Variants in BORCS5 observed in about 807,000 individuals in gnomAD.
BORCS5 encodes BLOC-1-related complex subunit 5.
A neutral mutation model predicts 22.1 loss-of-function variants in BORCS5; 17 were observed. The ratio of observed to expected loss-of-function variants is 0.77; its 90% confidence interval spans 0.53 to 1.15. The LOEUF is 1.15. Ranked by LOEUF, BORCS5 falls within the 50% of genes most tolerant of loss-of-function variation. BORCS5 has a pLI of 0.00. For synonymous variants in BORCS5, 117 were observed against 99.8 expected (o/e 1.17, Z -1.03); for missense variants, 247 against 253.2 (o/e 0.98, Z 0.17).
rs1013197572 is a variant in BORCS5, at chr12:12,468,524, G to GT, written c.*2749dup. On this transcript the variant is annotated 3_prime_UTR_variant, in exon 4 of 4. Transcript: ENST00000314565. Reference sequence around the variant, plus strand: ...CTTCCTACAGCGTGAGCAGGTCTGGGTGGGCTCTCAAGCCCCTTTCAGCTC... The same window carrying GT: ...CTTCCTACAGCGTGAGCAGGTCTGGGTTGGGCTCTCAAGCCCCTTTCAGCTC... 8.5e-5 allele frequency: 13 copies of GT among 152,354 alleles called. No homozygotes were observed. Among genetic ancestry groups the GT allele is most frequent in the African/African-American group, 3.1e-4 (13 of 41,562 alleles). 9.4% of individuals were successfully genotyped at this position (152,354 alleles called of 1,614,324 possible).
At position 12,357,305 on chromosome 12, in the gene BORCS5, C is replaced by A; in HGVS notation, c.-147C>A. ...CGCCCAGGCCCCTGCGTGGGCTGGACGCGTCAGCCCCACACATTAGCCTCG... is the reference window on the plus strand; with the variant it reads ...CGCCCAGGCCCCTGCGTGGGCTGGAAGCGTCAGCCCCACACATTAGCCTCG... On this transcript the variant is annotated 5_prime_UTR_variant, in exon 1 of 4. Transcript: ENST00000314565. 5 of 1,456,680 alleles carry A rather than the reference C, an allele frequency of 3.4e-6. No homozygotes were observed. The highest frequency in any genetic ancestry group is 4.5e-6 in the Non-Finnish European group (5 of 1,102,816). The allele number at this position is 1,456,680 out of a possible 1,614,324, so 90.2% of individuals were successfully genotyped here. A position where few individuals can be genotyped will look rare whatever the true frequency, so the allele number is the denominator to read the frequency against.
chr12:12,431,272 G>C (rs1178367090), intron 2 of BORCS5, among the ~76,000 whole-genome samples: 2 of 152,118 alleles, frequency 1.3e-5, no homozygotes, highest in East Asian at 3.8e-4. Context: ...AAATGGGCTT[G>C]TGGTAAAGTT....
intron 1 of BORCS5, among the ~76,000 whole-genome samples, chr12:12,358,945 T>A (rs1863211901): frequency 6.6e-6 from 1 of 152,196 alleles, no homozygotes; most frequent in Admixed American, 6.5e-5. Flanking sequence ...GACGAGCTTC[T>A]AGGAGGCAGA....
intron 2 of BORCS5, among the ~76,000 whole-genome samples, chr12:12,369,917 G>T (rs1863488884): frequency 6.6e-6 from 1 of 151,192 alleles, no homozygotes; most frequent in Non-Finnish European, 1.5e-5. Context: ...TAGAGATGGG[G>T]TGTCACCATG....
At chr12:12,388,749 C>T (rs11054873) in intron 2 of BORCS5, among the ~76,000 whole-genome samples, 9,833 of 151,044 alleles carry the variant, frequency 0.065, 1,111 homozygotes, top group East Asian at 0.49. Flanking sequence ...GCCAGATAGA[C>T]TATCTTTCTG....
intron 3 of BORCS5, among the ~76,000 whole-genome samples, chr12:12,449,467 T>A (rs1281808771): frequency 6.6e-6 from 1 of 152,200 alleles, no homozygotes; most frequent in Non-Finnish European, 1.5e-5. Flanking sequence ...ATCTGCCTGT[T>A]TAGTTTTGGA....
At chr12:12,375,800 G>T (rs1452872307) in intron 2 of BORCS5, among the ~76,000 whole-genome samples, 1 of 150,844 alleles carries the variant, frequency 6.6e-6, no homozygotes, top group East Asian at 1.9e-4. Context: ...AGTAATCATG[G>T]TTTTTTTTGT....
At chr12:12,387,881 C>T (rs752230582) in intron 2 of BORCS5, among the ~76,000 whole-genome samples, 2 of 151,314 alleles carry the variant, frequency 1.3e-5, no homozygotes, top group Admixed American at 6.6e-5. Context: ...TGAATCCCCA[C>T]GATTAACACA....
chr12:12,387,331 A>G (rs1160399720), intron 2 of BORCS5, among the ~76,000 whole-genome samples: 2 of 151,632 alleles, frequency 1.3e-5, no homozygotes, highest in East Asian at 1.9e-4. Flanking sequence ...CAGTTACAAT[A>G]TATGACAGAA....
At chr12:12,372,860 G>C (rs1290770685) in intron 2 of BORCS5, among the ~76,000 whole-genome samples, 1 of 152,120 alleles carries the variant, frequency 6.6e-6, no homozygotes, top group East Asian at 1.9e-4. Flanking sequence ...GGTACCCTGT[G>C]CAGATCTCAA....
At chr12:12,434,589 A>C (rs1942513785) in intron 2 of BORCS5, among the ~76,000 whole-genome samples, 3 of 152,380 alleles carry the variant, frequency 2.0e-5, no homozygotes, top group South Asian at 4.1e-4. Flanking sequence ...CAGCTATGAT[A>C]TTCCAGCTGT....
chr12:12,401,112 G>A (rs1458215300), intron 2 of BORCS5, among the ~76,000 whole-genome samples: 3 of 152,054 alleles, frequency 2.0e-5, no homozygotes, highest in Non-Finnish European at 4.4e-5. Context: ...TTTTGCAGTG[G>A]ACATCTTTGT....
At chr12:12,431,793 G>A (rs542528502) in intron 2 of BORCS5, among the ~76,000 whole-genome samples, 149 of 150,756 alleles carry the variant, frequency 9.9e-4, no homozygotes, top group Non-Finnish European at 1.6e-3. Context: ...TCCCGGGTTC[G>A]AGAGATTCTT....
intron 2 of BORCS5, among the ~76,000 whole-genome samples, chr12:12,383,086 T>C (rs1863809469): frequency 6.6e-6 from 1 of 151,438 alleles, no homozygotes; most frequent in Non-Finnish European, 1.5e-5. Flanking sequence ...TGCCTCCTTT[T>C]ATATTAAATA....
chr12:12,424,760 A>G (rs1191720027), intron 2 of BORCS5, among the ~76,000 whole-genome samples: 2 of 152,304 alleles, frequency 1.3e-5, no homozygotes, highest in South Asian at 2.1e-4. Flanking sequence ...AGCCAGAGGT[A>G]TACATGTTAG....
intron 2 of BORCS5, among the ~76,000 whole-genome samples, chr12:12,433,828 TGA>T (rs1456904208): frequency 6.6e-6 from 1 of 152,184 alleles, no homozygotes; most frequent in Non-Finnish European, 1.5e-5. Context: ...TCAGAAGATC[TGA>T]GAGCATCGAC....
Position 12,449,436 on chromosome 12 carries a change from C to G in BORCS5, c.360+13651C>G, listed in dbSNP as rs568616279. Among the ~76,000 whole-genome samples the G allele has an allele frequency of 5.3e-5, 8 of 152,202 alleles. No individual in the cohort carries two copies. In the East Asian group the frequency reaches 1.4e-3, roughly 26 times the overall value. On this transcript the variant is annotated intron_variant, in intron 3 of 3. Coordinates refer to ENST00000314565, the MANE Select transcript of BORCS5 (RefSeq NM_058169.6). ...CTGCCATCAATGCCATTTGCAAGGC[C>G]TTTTGTGGGGAGGAGGTATAATCTG...
chr12:12,448,285 G>A (rs1023639680), intron 3 of BORCS5, among the ~76,000 whole-genome samples: 1 of 151,910 alleles, frequency 6.6e-6, no homozygotes, highest in Non-Finnish European at 1.5e-5. Context: ...GTGCAATCTC[G>A]GCTCACTGCA....
intron 2 of BORCS5, among the ~76,000 whole-genome samples, chr12:12,391,502 C>G (rs1031392736): frequency 6.6e-6 from 1 of 151,682 alleles, no homozygotes; most frequent in East Asian, 2.0e-4. Context: ...TCTCCTGCCT[C>G]AGTCTCCCAA....
Sources: allele counts gnomAD v4.1 joint callset (sites outside exome capture counted in the v4.1 genomes callset), GRCh38; gene constraint gnomAD v4.1.1; transcripts MANE v1.5; gene names NCBI Gene and HGNC (gene_info 2026-07-23, HGNC 2026-07-21).